Variants in BRWD1 observed in about 807,000 individuals in gnomAD.
BRWD1 encodes bromodomain and WD repeat-containing protein 1.
In BRWD1, 82 loss-of-function variants were observed where a neutral mutation model predicts 251.2. The observed-to-expected ratio is 0.33, with a 90% CI of 0.27 to 0.39. BRWD1 has a LOEUF of 0.39. Ranked by LOEUF, BRWD1 falls within the 10% of genes least tolerant of loss-of-function variation. The probability of loss-of-function intolerance (pLI) is 1.00; values close to 1 mark genes in which losing one functional copy is unlikely to be tolerated. For synonymous variants in BRWD1, 918 were observed against 902.8 expected (o/e 1.02, Z -0.30); for missense variants, 2,233 against 2,711.6 (o/e 0.82, Z 3.92).
chr21:39,313,509 G>T lies in BRWD1; in HGVS notation c.-18C>A. 1 of 1,330,746 alleles carries T rather than the reference G, an allele frequency of 7.5e-7. No homozygotes were observed. 82.4% of individuals were successfully genotyped at this position (1,330,746 alleles called of 1,614,324 possible). A position where few individuals can be genotyped will look rare whatever the true frequency, so the allele number is the denominator to read the frequency against. ...TCCGCCATGGCCGGGCGCGGGGCGG[G>T]AGGCGGGAGCGAGCGAGCGAGCGGA... On this transcript the variant is annotated 5_prime_UTR_variant, in exon 1 of 41. Coordinates refer to ENST00000342449, the MANE Select transcript of BRWD1 (RefSeq NM_033656.4).
intron 9 of BRWD1, among the ~76,000 whole-genome samples, chr21:39,279,664 A>AAAAG (rs2035394255): frequency 2.3e-5 from 2 of 87,650 alleles, no homozygotes; most frequent in Non-Finnish European, 3.5e-5. Context: ...AAAGAAAAAA[A>AAAAG]AAAAGAAAAC....
At chr21:39,241,449 C>T (rs1325083617) in intron 21 of BRWD1, among the ~76,000 whole-genome samples, 7 of 109,622 alleles carry the variant, frequency 6.4e-5, no homozygotes, top group Non-Finnish European at 1.0e-4. Flanking sequence ...GCCTGGGCAA[C>T]AGAGCAAGAT....
In BRWD1 at chr21:39,313,297, G is replaced by A. The variant is rs760394668; in HGVS notation, c.52C>T (p.Leu18=). The A allele has an allele frequency of 9.0e-6, 14 of 1,557,266 alleles. No individual in the cohort carries two copies. The African/African-American group carries it at 1.3e-4, about 14-fold the overall frequency. Residue 18 remains leucine, a splice_region_variant and synonymous_variant, in exon 2 of 41, where the codon CTG becomes TTG. Transcript: ENST00000342449. ...AGGTACCGGGCGATAAGGAAGTACA[G>A]CTCTGCGGGAAGACAAGGAGTCAGG... ...RRPVPLIESE[L]YFLIARYLSA... is the part of the protein sequence containing the mutation.
chr21:39,244,056 C>G (rs2034094640), intron 21 of BRWD1, among the ~76,000 whole-genome samples: 1 of 151,952 alleles, frequency 6.6e-6, no homozygotes, highest in South Asian at 2.1e-4. Context: ...GGTTTCTGCT[C>G]TGAGATCATG....
intron 4 of BRWD1, among the ~76,000 whole-genome samples, chr21:39,299,656 A>G (rs1175223988): frequency 6.6e-6 from 1 of 152,138 alleles, no homozygotes; most frequent in Non-Finnish European, 1.5e-5. Flanking sequence ...CTAATCCCAC[A>G]AAGTACAAGC....
chr21:39,250,669 A>G (rs2034364756), intron 20 of BRWD1, 127 bp downstream of exon 20: 4 of 631,342 alleles, frequency 6.3e-6, no homozygotes, highest in Admixed American at 3.4e-5. Flanking sequence ...TTAAATCTCA[A>G]ACAGAAAACC....
chr21:39,313,162 C>A (rs1732908045), intron 2 of BRWD1, 61 bp from the exon 3 acceptor site: 1 of 1,495,444 alleles, frequency 6.7e-7, no homozygotes, highest in African/African-American at 1.5e-5. Context: ...CCGTTTCACC[C>A]CCGCCCACCA....
At chr21:39,289,430 G>A (rs2035739166) in intron 8 of BRWD1, among the ~76,000 whole-genome samples, 1 of 151,862 alleles carries the variant, frequency 6.6e-6, no homozygotes, top group South Asian at 2.1e-4. Context: ...ATCTTATACA[G>A]CCAATGTTTA....
chr21:39,247,881 C>A, intron 20 of BRWD1, 49 bp from the exon 21 acceptor site: 1 of 1,487,536 alleles, frequency 6.7e-7, no homozygotes, highest in Non-Finnish European at 9.0e-7. Context: ...TAAATAAGGA[C>A]AATATCAACA....
chr21:39,289,172 A>G (rs2035731595), intron 8 of BRWD1, among the ~76,000 whole-genome samples: 1 of 151,992 alleles, frequency 6.6e-6, no homozygotes, highest in Non-Finnish European at 1.5e-5. Flanking sequence ...TTCTTGTTTT[A>G]CTTTCTTTAT....
At chr21:39,291,195 G>T (rs12626405) in intron 8 of BRWD1, among the ~76,000 whole-genome samples, 91,304 of 151,976 alleles carry the variant, frequency 0.6, 27,620 homozygotes, top group Admixed American at 0.66. Flanking sequence ...TGAGAATACT[G>T]ACTAGAACAA....
chr21:39,276,754 TTAGA>T (rs35233894), intron 11 of BRWD1, among the ~76,000 whole-genome samples: 70,989 of 151,690 alleles, frequency 0.47, 16,753 homozygotes, highest in Admixed American at 0.53. Flanking sequence ...ATGGGCTTGG[TTAGA>T]TAAACAGGCT....
intron 13 of BRWD1, among the ~76,000 whole-genome samples, chr21:39,272,467 C>T (rs2035148277): frequency 6.6e-6 from 1 of 151,514 alleles, no homozygotes; most frequent in East Asian, 1.9e-4. Flanking sequence ...GCAGGGCTTG[C>T]AGTGAGCAGA....
intron 26 of BRWD1, 146 bp downstream of exon 26, chr21:39,229,166 C>A (rs2033506016): frequency 4.4e-6 from 3 of 685,992 alleles, no homozygotes; most frequent in Non-Finnish European, 7.2e-6. Flanking sequence ...GGTTTCCTAG[C>A]CATCAGAAGC....
At position 39,293,945 on chromosome 21, in the gene BRWD1, C is replaced by T; in HGVS notation, c.697G>A (p.Asp233Asn). The change falls in exon 8 of 41, where the codon GAT (aspartate) becomes AAT (asparagine). Residue 233 changes from aspartate (D) to asparagine (N), a missense_variant. Asp to Asn is a conservative substitution (Grantham distance 23). Transcript: ENST00000342449. ...TLRGHSAEIS[D>N]MAVNYENTMI... ...GTATTCTCATAGTTTACTGCCATAT[C>T]TGAAATTTCTGCAGAATGACCTCTT... 6.2e-7 allele frequency: 1 copy of T among 1,614,168 alleles called. No individual in the cohort carries two copies. Among genetic ancestry groups the T allele is most frequent in the Non-Finnish European group, 8.5e-7 (1 of 1,180,030 alleles).
Position 39,200,229 on chromosome 21 carries a change from T to C in BRWD1, c.4743A>G (p.Gln1581=). The stretch of plus-strand genomic sequence containing the variant: ...TACTGAGTCTCTTACCAGTTTTTCT[T>C]TGAGCAGCTCTAGTTCTGGTTACCC... The part of the protein sequence containing the change: ...NLRVTRTRAA[Q]RKTGPVSLAN... Residue 1581 remains glutamine (Q), a synonymous_variant, in exon 39 of 41, where the codon CAA becomes CAG. Coordinates refer to ENST00000342449, the MANE Select transcript of BRWD1 (RefSeq NM_033656.4). 6.2e-7 allele frequency: 1 copy of C among 1,603,416 alleles called. No homozygotes were observed. Among genetic ancestry groups the C allele is most frequent in the Non-Finnish European group, 8.5e-7 (1 of 1,177,250 alleles).
At chr21:39,287,718 CG>C (rs1420310295) in intron 8 of BRWD1, among the ~76,000 whole-genome samples, 21 of 152,052 alleles carry the variant, frequency 1.4e-4, no homozygotes, top group African/African-American at 5.1e-4. Context: ...TCCTCACTAC[CG>C]TTATGCACAT....
chr21:39,308,299 T>C (rs1465957916), intron 4 of BRWD1, among the ~76,000 whole-genome samples: 1 of 151,982 alleles, frequency 6.6e-6, no homozygotes, highest in Non-Finnish European at 1.5e-5. Flanking sequence ...CGGGCCAACA[T>C]GGTGAAACCC....
At chr21:39,216,677 G>T in intron 31 of BRWD1, 1 of 413,916 alleles carries the variant, frequency 2.4e-6, no homozygotes, top group South Asian at 2.0e-5. Context: ...AATTTCTTGG[G>T]ACCTACAATA....
Sources: allele counts gnomAD v4.1 joint callset (sites outside exome capture counted in the v4.1 genomes callset), GRCh38; gene constraint gnomAD v4.1.1; transcripts MANE v1.5; gene names NCBI Gene and HGNC (gene_info 2026-07-23, HGNC 2026-07-21).